ITSN2: variants seen among roughly 807,000 people sequenced by gnomAD.
The protein encoded by ITSN2 is intersectin-2.
In ITSN2, 156 loss-of-function variants were observed where a neutral mutation model predicts 243.7. The ratio of observed to expected loss-of-function variants is 0.64; its 90% CI spans 0.56 to 0.73. The LOEUF (loss-of-function observed/expected upper bound fraction) is 0.73, where lower values mean the gene tolerates loss of function less well. Among genes scored for constraint, ITSN2 ranks in the 30% least tolerant of loss-of-function variants. ITSN2 has a pLI of 0.00. For synonymous variants in ITSN2, 703 were observed against 699.9 expected (o/e 1.00, Z -0.07); for missense variants, 1,801 against 1,996.1 (o/e 0.90, Z 1.86).
intron 27 of ITSN2, 33 bp downstream of exon 27, chr2:24,248,596 T>A (rs370762475): frequency 6.5e-7 from 1 of 1,544,050 alleles, no homozygotes; most frequent in African/African-American, 1.4e-5. Context: ...ACTTTTATAA[T>A]AAAATTTATA....
Position 24,220,956 on chromosome 2 carries a change from G to C in ITSN2, c.3688C>G (p.Leu1230Val). The C allele has an allele frequency of 1.3e-6, 2 of 1,599,278 alleles. No individual in the cohort carries two copies. The highest frequency in any genetic ancestry group is 1.7e-6 in the Non-Finnish European group (2 of 1,173,810). ...TEERYMADLQ[L>V]VVEVFQKRMA... ...AGCAGCCTCCTCACCTCGACGACGA[G>C]CTGAAGGTCAGCCATGTACCGCTCT... The change falls in exon 30 of 40, where the codon CTC becomes GTC. Residue 1230 changes from leucine (L) to valine (V), a missense_variant. Physicochemically the swap from Leu to Val is conservative, Grantham distance 32. Around this residue, in one of 5 missense-constraint regions of ITSN2, gnomAD observed 928 missense variants for 1,065.4 expected, o/e 0.87. Transcript: ENST00000355123.
At chr2:24,217,117 T>C (rs1337691024) in intron 31 of ITSN2, among the ~76,000 whole-genome samples, 4 of 135,658 alleles carry the variant, frequency 2.9e-5, no homozygotes, top group Non-Finnish European at 4.7e-5. Context: ...GGTGTGGTGG[T>C]GGGTGCCTGT....
rs374601823 is a variant in ITSN2 at position 24,297,153 on chromosome 2, A to G, written c.1495-1349T>C. Among the ~76,000 whole-genome samples, 34 of 152,336 alleles carry G rather than the reference A, an allele frequency of 2.2e-4. 1 individual carries two copies. In the South Asian group the frequency reaches 7.0e-3, roughly 32 times the overall value. The stretch of plus-strand genomic sequence containing the variant: ...ATGTCTATCCATTTGAAGGAATAAA[A>G]TAATATATTTCTGACTAAAGATATT... On this transcript the variant is annotated intron_variant, in intron 13 of 39. Coordinates refer to ENST00000355123, the MANE Select transcript of ITSN2 (RefSeq NM_006277.3).
At position 24,293,671 on chromosome 2, in the gene ITSN2, A is replaced by T. The variant is rs776443357; in HGVS notation, c.1723+17T>A. 1 of 876,264 alleles carries T rather than the reference A, an allele frequency of 1.1e-6. No individual in the cohort carries two copies. Among genetic ancestry groups the T allele is most frequent in the Admixed American group, 2.7e-5 (1 of 36,436 alleles). The allele number at this position is 876,264 out of a possible 1,614,324, so 54.3% of individuals were successfully genotyped here. ...CAGAAAAGGATAAAAGTAATCAGAC[A>T]AACCTTAGAGACTTACCAGGTGTGT... On this transcript the variant is annotated intron_variant, in intron 15 of 39. Coordinates refer to ENST00000355123, the MANE Select transcript of ITSN2 (RefSeq NM_006277.3).
chr2:24,342,833 G>C (rs772511093), intron 1 of ITSN2, among the ~76,000 whole-genome samples: 1 of 151,972 alleles, frequency 6.6e-6, no homozygotes, highest in Non-Finnish European at 1.5e-5. Context: ...GCTCATGCCT[G>C]TAATCCTAGC....
chr2:24,234,622 A>T (rs952299014), intron 29 of ITSN2, among the ~76,000 whole-genome samples: 8 of 152,240 alleles, frequency 5.3e-5, no homozygotes, highest in Admixed American at 5.2e-4. Context: ...ATTTTTCAAA[A>T]TATGGAAAGG....
intron 29 of ITSN2, among the ~76,000 whole-genome samples, chr2:24,235,160 C>T (rs1032570367): frequency 2.0e-5 from 3 of 151,994 alleles, no homozygotes; most frequent in Admixed American, 6.6e-5. Context: ...AGCACTAAAA[C>T]GAAAGGATCA....
intron 23 of ITSN2, among the ~76,000 whole-genome samples, chr2:24,256,528 C>G (rs749390714): frequency 6.6e-6 from 1 of 152,178 alleles, no homozygotes; most frequent in Non-Finnish European, 1.5e-5. Flanking sequence ...TTACCCATAG[C>G]TATATTATAG....
chr2:24,219,075 T>C (rs1221439362), intron 30 of ITSN2, among the ~76,000 whole-genome samples: 1 of 152,164 alleles, frequency 6.6e-6, no homozygotes, highest in Admixed American at 6.5e-5. Context: ...CCTCCATACA[T>C]GCCATCCCAC....
At chr2:24,222,671 T>C (rs1670587336) in intron 29 of ITSN2, among the ~76,000 whole-genome samples, 5 of 131,186 alleles carry the variant, frequency 3.8e-5, no homozygotes, top group Admixed American at 3.1e-4. Context: ...TTCTTTTCTT[T>C]TTTTTTTTTT....
At position 24,209,972 on chromosome 2, in the gene ITSN2, T is replaced by G. The variant is rs376003161; in HGVS notation, c.4319A>C (p.Lys1440Thr). 2.5e-6 allele frequency: 4 copies of G among 1,614,172 alleles called. No homozygotes were observed. The highest frequency in any genetic ancestry group is 3.4e-6 in the Non-Finnish European group (4 of 1,180,018). ...LGPRKLLHSG[K>T]LYKTKSNKEL... ...CTTGTTGCTCTTGGTCTTGTATAAT[T>G]TCCCACTGTGTAAGAGCTTCCGGGG... The change falls in exon 35 of 40, where the codon AAA becomes ACA. Residue 1440 changes from lysine (K) to threonine (T), a missense_variant. Transcript: ENST00000355123.
At chr2:24,250,861 A>T (rs1205131596) in intron 25 of ITSN2, among the ~76,000 whole-genome samples, 1 of 152,190 alleles carries the variant, frequency 6.6e-6, no homozygotes, top group East Asian at 1.9e-4. Context: ...CTGAATACAG[A>T]AACAGACATG....
chr2:24,274,381 G>T (rs1677761079), intron 18 of ITSN2, among the ~76,000 whole-genome samples: 1 of 152,116 alleles, frequency 6.6e-6, no homozygotes, highest in South Asian at 2.1e-4. Flanking sequence ...ACCGGCCTGA[G>T]CAACACAGAG....
At chr2:24,258,500 T>C (rs1350412211) in intron 22 of ITSN2, among the ~76,000 whole-genome samples, 1 of 152,222 alleles carries the variant, frequency 6.6e-6, no homozygotes. Flanking sequence ...TGGCTCCCTC[T>C]GTTTCTCTGC....
At chr2:24,246,369 G>A in intron 28 of ITSN2, 49 bp from the exon 29 acceptor site, 2 of 1,106,132 alleles carry the variant, frequency 1.8e-6, no homozygotes, top group South Asian at 1.6e-5. Context: ...AATTATTCCT[G>A]CAAGGGTCAA....
At chr2:24,351,489 G>A (rs1247781545) in intron 1 of ITSN2, among the ~76,000 whole-genome samples, 1 of 152,178 alleles carries the variant, frequency 6.6e-6, no homozygotes, top group African/African-American at 2.4e-5. Flanking sequence ...ACATGACATA[G>A]CTTCAATTTC....
intron 25 of ITSN2, among the ~76,000 whole-genome samples, chr2:24,250,878 T>C (rs1239330418): frequency 6.6e-6 from 1 of 152,042 alleles, no homozygotes. Flanking sequence ...CATGAGAAAG[T>C]AGCTGACTTA....
At chr2:24,237,200 A>C (rs941031876) in intron 29 of ITSN2, among the ~76,000 whole-genome samples, 4 of 152,220 alleles carry the variant, frequency 2.6e-5, no homozygotes, top group African/African-American at 9.6e-5. Context: ...AACAATGAAG[A>C]GGTAATACAT....
At chr2:24,243,755 T>C (rs540350110) in intron 29 of ITSN2, among the ~76,000 whole-genome samples, 1 of 152,206 alleles carries the variant, frequency 6.6e-6, no homozygotes, top group African/African-American at 2.4e-5. Flanking sequence ...GCTATTTCCA[T>C]GTTTTATTTC....
Sources: gnomAD v4.1 joint callset for allele counts (sites outside exome capture counted in the v4.1 genomes callset) on GRCh38, gnomAD v4.1.1 for gene constraint, gnomAD v4.1.1 regional missense constraint, MANE v1.5 for transcripts, NCBI Gene and HGNC (gene_info 2026-07-23, HGNC 2026-07-21) for gene names.